ASS1: variants seen among roughly 807,000 people sequenced by gnomAD.
The protein encoded by ASS1 is argininosuccinate synthase 1.
In ASS1, 58 loss-of-function variants were observed where a neutral mutation model predicts 60.5. The ratio of observed to expected loss-of-function variants is 0.96; its 90% confidence interval spans 0.78 to 1.19. The LOEUF is 1.19. Among genes scored for constraint, ASS1 ranks in the 50% most tolerant of loss-of-function variants. The pLI is 0.00. For missense variants in ASS1, 454 were observed against 547.3 expected, an observed-to-expected ratio of 0.83 and a Z score of 1.70; for synonymous variants, 200 against 206.9, an observed-to-expected ratio of 0.97 and a Z score of 0.29.
intron 1 of ASS1, 169 bp from the exon 2 acceptor site, chr9:130,452,055 C>T (rs565811780): frequency 4.3e-4 from 303 of 704,322 alleles, no homozygotes; most frequent in African/African-American, 7.0e-4. Context: ...TCAGGGTTCC[C>T]GGGGGTGGCA....
intron 12 of ASS1, among the ~76,000 whole-genome samples, chr9:130,490,978 G>C (rs1179049115): frequency 6.6e-6 from 1 of 152,198 alleles, no homozygotes; most frequent in Non-Finnish European, 1.5e-5. Context: ...CCTGTGCAAA[G>C]TTAGTATTAG....
chr9:130,445,066 G>A, intron 1 of ASS1, 71 bp downstream of exon 1: 1 of 800,682 alleles, frequency 1.2e-6, no homozygotes, highest in Non-Finnish European at 1.5e-6. Flanking sequence ...GCCCAGAGGA[G>A]GAGGCGTAGA....
chr9:130,498,006 G>A (rs1405293277), intron 13 of ASS1, among the ~76,000 whole-genome samples: 1 of 152,186 alleles, frequency 6.6e-6, no homozygotes, highest in Non-Finnish European at 1.5e-5. Flanking sequence ...CCGTGGAGGT[G>A]TGGAGGAGGG....
intron 12 of ASS1, among the ~76,000 whole-genome samples, chr9:130,493,145 CG>C (rs1319596376): frequency 1.3e-5 from 2 of 152,092 alleles, no homozygotes; most frequent in African/African-American, 2.4e-5. Context: ...ACGAGGGTCT[CG>C]GGGTGTGTTG....
intron 11 of ASS1, among the ~76,000 whole-genome samples, chr9:130,481,792 G>T (rs538121254): frequency 6.6e-6 from 1 of 152,174 alleles, no homozygotes; most frequent in African/African-American, 2.4e-5. Context: ...AGGCAGGCTC[G>T]CCTCTTTCTT....
intron 14 of ASS1, 51 bp downstream of exon 14, chr9:130,499,621 G>A (rs1588513067): frequency 6.4e-7 from 1 of 1,570,560 alleles, no homozygotes; most frequent in Non-Finnish European, 8.7e-7. Context: ...GGTGTAAAGG[G>A]TAGGCTTTGA....
intron 12 of ASS1, among the ~76,000 whole-genome samples, chr9:130,492,753 G>A (rs952709309): frequency 6.6e-6 from 1 of 152,210 alleles, no homozygotes; most frequent in African/African-American, 2.4e-5. Context: ...GATCGCATGT[G>A]TTTGGCTGGG....
Position 130,471,043 on chromosome 9 carries a change from G to A in ASS1, c.566+139G>A, listed in dbSNP as rs1030832587. On this transcript the variant is annotated intron_variant, in intron 7 of 14. Coordinates refer to ENST00000352480, the MANE Select transcript of ASS1 (RefSeq NM_054012.4). ...GAGCTGAGAGGCCTCAGGCAGGACAGAGGTCGAAGCGCCCGGCTCATGCAC... is the reference window on the plus strand; with the variant it reads ...GAGCTGAGAGGCCTCAGGCAGGACAAAGGTCGAAGCGCCCGGCTCATGCAC... The A allele has an allele frequency of 9.7e-5, 95 of 977,446 alleles. 1 individual carries two copies. The highest frequency in any genetic ancestry group is 6.2e-4 in the South Asian group (48 of 76,888). 60.5% of individuals were successfully genotyped at this position (977,446 alleles called of 1,614,324 possible). A position where few individuals can be genotyped will look rare whatever the true frequency, so the allele number is the denominator to read the frequency against.
chr9:130,445,299 G>A, intron 1 of ASS1: 1 of 922,698 alleles, frequency 1.1e-6, no homozygotes, highest in Non-Finnish European at 1.3e-6. Flanking sequence ...TGCGCAGCCG[G>A]GTCCTTTCTG....
chr9:130,492,966 C>T (rs1301297760), intron 12 of ASS1, among the ~76,000 whole-genome samples: 1 of 152,178 alleles, frequency 6.6e-6, no homozygotes, highest in African/African-American at 2.4e-5. Context: ...TGAGATAAAG[C>T]CCAGGCCAGT....
chr9:130,481,309 G>T (rs1187111816), intron 11 of ASS1, among the ~76,000 whole-genome samples: 2 of 152,060 alleles, frequency 1.3e-5, no homozygotes, highest in African/African-American at 2.4e-5. Context: ...AAAGAGCAAG[G>T]TTTCAGCAGT....
intron 13 of ASS1, among the ~76,000 whole-genome samples, chr9:130,496,177 T>C (rs1357910925): frequency 6.6e-6 from 1 of 151,998 alleles, no homozygotes; most frequent in African/African-American, 2.4e-5. Context: ...TCCCAACTCT[T>C]TGGGAGGCCA....
intron 1 of ASS1, among the ~76,000 whole-genome samples, chr9:130,446,049 G>A (rs1041114505): frequency 6.6e-6 from 1 of 152,112 alleles, no homozygotes; most frequent in Admixed American, 6.5e-5. Flanking sequence ...ATGTGGACTC[G>A]TCATGTTGCC....
At chr9:130,485,055 C>T (rs1588500261) in intron 11 of ASS1, among the ~76,000 whole-genome samples, 1 of 152,136 alleles carries the variant, frequency 6.6e-6, no homozygotes. Flanking sequence ...CCTCTGCCCA[C>T]CAGACATTCT....
At chr9:130,464,784 T>C (rs1372571475) in intron 5 of ASS1, among the ~76,000 whole-genome samples, 1 of 151,896 alleles carries the variant, frequency 6.6e-6, no homozygotes, top group East Asian at 2.0e-4. Flanking sequence ...CAGCTTGACC[T>C]TGGACCTGGC....
intron 4 of ASS1, among the ~76,000 whole-genome samples, chr9:130,458,838 T>C (rs1845513591): frequency 6.6e-6 from 1 of 152,198 alleles, no homozygotes; most frequent in Non-Finnish European, 1.5e-5. Flanking sequence ...TGTCACCCCA[T>C]TTGGCAGACT....
chr9:130,494,793 C>T lies in ASS1; in HGVS notation c.971-74C>T. 1 of 1,572,658 alleles carries T rather than the reference C, an allele frequency of 6.4e-7. No individual in the cohort carries two copies. Among genetic ancestry groups the T allele is most frequent in the Non-Finnish European group, 8.7e-7 (1 of 1,144,530 alleles). On this transcript the variant is annotated intron_variant, in intron 12 of 14. Coordinates refer to ENST00000352480, the MANE Select transcript of ASS1 (RefSeq NM_054012.4). The surrounding 1 kb of genome is among the most constrained non-coding windows in gnomAD (Gnocchi z 4.3). ...CGGGGTAAACCATGGGGCACCCTTC[C>T]TGTGCCCCAGGTCTCCCTGTGTCCT...
chr9:130,456,515 TG>T (rs1354036791), intron 3 of ASS1, among the ~76,000 whole-genome samples: 2 of 152,212 alleles, frequency 1.3e-5, no homozygotes, highest in African/African-American at 4.8e-5. Context: ...TTTATCCTAA[TG>T]TTTTTTATAT....
Position 130,471,508 on chromosome 9 carries a change from A to G in ASS1, c.590A>G (p.Asn197Ser), listed in dbSNP as rs1331462223. ...HISYEAGILE[N>S]PKNQAPPGLY... The stretch of plus-strand genomic sequence containing the variant: ...AGCTACGAGGCTGGAATCCTGGAGA[A>G]CCCCAAGGTAATCCCCCAAACCCCA... The change falls in exon 8 of 15, where the codon AAC becomes AGC. Residue 197 changes from asparagine to serine, a missense_variant. Asn to Ser is a conservative substitution (Grantham distance 46). Transcript: ENST00000352480. 8 of 1,613,962 alleles carry G rather than the reference A, an allele frequency of 5.0e-6. No homozygotes were observed. Among genetic ancestry groups the G allele is most frequent in the Non-Finnish European group, 6.8e-6 (8 of 1,179,938 alleles).
Sources: gnomAD v4.1 joint callset for allele counts (sites outside exome capture counted in the v4.1 genomes callset) on GRCh38, gnomAD v4.1.1 for gene constraint, Gnocchi (gnomAD v3.1) non-coding constraint, MANE v1.5 for transcripts, NCBI Gene and HGNC (gene_info 2026-07-23, HGNC 2026-07-21) for gene names.